AKAP6: variants seen among roughly 807,000 people sequenced by gnomAD.
AKAP6 encodes A-kinase anchor protein 6.
In AKAP6, 58 loss-of-function variants were observed where a neutral mutation model predicts 188.5. The observed-to-expected ratio is 0.31, with a 90% CI of 0.25 to 0.38. The LOEUF (loss-of-function observed/expected upper bound fraction) is 0.38. Among genes scored for constraint, AKAP6 ranks in the 10% least tolerant of loss-of-function variants. The probability of loss-of-function intolerance (pLI) is 1.00; values close to 1 mark genes in which losing one functional copy is unlikely to be tolerated. For missense variants in AKAP6, 2,710 were observed against 2,740.0 expected, an observed-to-expected ratio of 0.99 and a Z score of 0.24; for synonymous variants, 989 against 998.6, an observed-to-expected ratio of 0.99 and a Z score of 0.18.
intron 11 of AKAP6, among the ~76,000 whole-genome samples, chr14:32,745,631 C>A (rs1443456237): frequency 6.6e-6 from 1 of 152,028 alleles, no homozygotes; most frequent in Non-Finnish European, 1.5e-5. Flanking sequence ...GCCAGCACAG[C>A]ACTGGGTCCC....
In AKAP6 at chr14:32,821,657, A is replaced by G. The variant is rs1439414658; in HGVS notation, c.3844A>G (p.Ser1282Gly). 6.2e-7 allele frequency: 1 copy of G among 1,613,752 alleles called. No homozygotes were observed. The highest frequency in any genetic ancestry group is 8.5e-7 in the Non-Finnish European group (1 of 1,179,894). Residue 1282 changes from serine (S) to glycine (G), a missense_variant, in exon 13 of 14, where the codon AGT becomes GGT. Physicochemically the swap from Ser to Gly is moderately conservative, Grantham distance 56. Coordinates refer to ENST00000280979, the MANE Select transcript of AKAP6 (RefSeq NM_004274.5). Reference sequence around the variant, plus strand: ...TGCCTCAAATATTACTGCCCCCTCTAGTCCACACATTTACCAGGTGTACAG... The same window carrying G: ...TGCCTCAAATATTACTGCCCCCTCTGGTCCACACATTTACCAGGTGTACAG... Reference protein sequence around the residue: ...QYASNITAPSSPHIYQVYSLH... With the variant: ...QYASNITAPSGPHIYQVYSLH...
intron 7 of AKAP6, among the ~76,000 whole-genome samples, chr14:32,619,228 C>T (rs1418606921): frequency 3.3e-5 from 5 of 151,918 alleles, no homozygotes; most frequent in South Asian, 2.1e-4. Flanking sequence ...CGTTTGCTTT[C>T]GGGGTCTTAG....
intron 2 of AKAP6, among the ~76,000 whole-genome samples, chr14:32,514,859 C>T (rs180694833): frequency 3.9e-5 from 6 of 152,140 alleles, no homozygotes; most frequent in African/African-American, 1.4e-4. Context: ...AAGGAAAACA[C>T]AACAAAAAGG....
chr14:32,488,801 G>T (rs966153986), intron 2 of AKAP6, among the ~76,000 whole-genome samples: 1 of 152,068 alleles, frequency 6.6e-6, no homozygotes, highest in African/African-American at 2.4e-5. Context: ...CAGGTGAGGC[G>T]ACACCCCACC....
intron 7 of AKAP6, among the ~76,000 whole-genome samples, chr14:32,675,076 G>C (rs8004458): frequency 6.6e-6 from 1 of 151,950 alleles, no homozygotes; most frequent in African/African-American, 2.4e-5. Context: ...AATGGCAACC[G>C]TTGCCTGTAG....
chr14:32,701,130 C>T (rs969100079), intron 9 of AKAP6, among the ~76,000 whole-genome samples: 6 of 152,042 alleles, frequency 3.9e-5, no homozygotes, highest in Non-Finnish European at 8.8e-5. Context: ...GGCTACTAAA[C>T]AGATCAATTA....
chr14:32,402,539 A>AG, intron 1 of AKAP6, among the ~76,000 whole-genome samples: 1 of 152,278 alleles, frequency 6.6e-6, no homozygotes, highest in South Asian at 2.1e-4. Flanking sequence ...TGACAACCCA[A>AG]GCTAGAAATG....
At chr14:32,623,664 C>T (rs1040604109) in intron 7 of AKAP6, among the ~76,000 whole-genome samples, 2 of 152,094 alleles carry the variant, frequency 1.3e-5, no homozygotes, top group African/African-American at 4.8e-5. Context: ...AGACAGAGAA[C>T]CGTGGCATAA....
At chr14:32,670,079 A>G (rs1480666858) in intron 7 of AKAP6, among the ~76,000 whole-genome samples, 1 of 149,454 alleles carries the variant, frequency 6.7e-6, no homozygotes, top group Non-Finnish European at 1.5e-5. Context: ...CCTGAGTGAC[A>G]GAGTGAGACT....
chr14:32,502,454 T>C (rs1880653145), intron 2 of AKAP6, among the ~76,000 whole-genome samples: 1 of 152,104 alleles, frequency 6.6e-6, no homozygotes, highest in Admixed American at 6.6e-5. Flanking sequence ...TTTGTTGCTG[T>C]CTGTCTTATA....
chr14:32,366,605 G>A (rs1887842566), intron 1 of AKAP6, among the ~76,000 whole-genome samples: 1 of 152,140 alleles, frequency 6.6e-6, no homozygotes, highest in African/African-American at 2.4e-5. Context: ...GACTTTAACT[G>A]GCATTGCATA....
chr14:32,462,527 G>A (rs920273652), intron 2 of AKAP6, among the ~76,000 whole-genome samples: 2 of 152,156 alleles, frequency 1.3e-5, no homozygotes, highest in African/African-American at 4.8e-5. Context: ...AGCAAATGTG[G>A]AGGGATTTTG....
intron 1 of AKAP6, among the ~76,000 whole-genome samples, chr14:32,430,328 T>C (rs760151028): frequency 1.1e-4 from 16 of 152,136 alleles, no homozygotes; most frequent in Non-Finnish European, 1.5e-4. Flanking sequence ...GTATGGAGGA[T>C]TTTGCCCCAA....
At chr14:32,820,872 G>T (rs1392056309) in intron 12 of AKAP6, among the ~76,000 whole-genome samples, 2 of 152,166 alleles carry the variant, frequency 1.3e-5, no homozygotes, top group African/African-American at 4.8e-5. Flanking sequence ...CCCATGAAGT[G>T]CTCTACATGG....
chr14:32,501,739 T>G (rs1475608670), intron 2 of AKAP6, among the ~76,000 whole-genome samples: 1 of 152,210 alleles, frequency 6.6e-6, no homozygotes, highest in Non-Finnish European at 1.5e-5. Context: ...CTTCACTCTC[T>G]GGAGTGATAT....
chr14:32,644,338 G>GCT (rs997620560), intron 7 of AKAP6, among the ~76,000 whole-genome samples: 1 of 151,954 alleles, frequency 6.6e-6, no homozygotes, highest in African/African-American at 2.4e-5. Flanking sequence ...GAAGGTCATT[G>GCT]CTCTCTCTCT....
At chr14:32,726,618 C>T (rs528533491) in intron 9 of AKAP6, among the ~76,000 whole-genome samples, 48 of 152,364 alleles carry the variant, frequency 3.2e-4, no homozygotes, top group African/African-American at 7.0e-4. Context: ...GTGCTTTTCA[C>T]GCAGTGCATT....
intron 7 of AKAP6, among the ~76,000 whole-genome samples, chr14:32,650,178 T>C (rs745323736): frequency 1.3e-5 from 2 of 152,160 alleles, no homozygotes; most frequent in Non-Finnish European, 2.9e-5. Context: ...ACTAAAGTAG[T>C]GGTTCATGCA....
chr14:32,730,490 T>A (rs1183931551), intron 9 of AKAP6, among the ~76,000 whole-genome samples: 1 of 152,188 alleles, frequency 6.6e-6, no homozygotes, highest in Non-Finnish European at 1.5e-5. Context: ...ATCATTTTTA[T>A]GGGACACATC....
Sources: allele counts gnomAD v4.1 joint callset (sites outside exome capture counted in the v4.1 genomes callset), GRCh38; gene constraint gnomAD v4.1.1; transcripts MANE v1.5; gene names NCBI Gene and HGNC (gene_info 2026-07-23, HGNC 2026-07-21).